Variants in TAS2R13 observed in about 807,000 individuals in gnomAD.
TAS2R13 encodes the protein taste receptor type 2 member 13.
For synonymous variants in TAS2R13, 129 were observed against 125.5 expected (o/e 1.03, Z -0.19); for missense variants, 384 against 347.5 (o/e 1.11, Z -0.84).
At position 10,908,998 on chromosome 12, in the gene TAS2R13, T is replaced by C. The variant is rs1453200276; in HGVS notation, c.301A>G (p.Thr101Ala). ...AGCAAATAAAAGATGCTGAAGATTG[T>C]AGCAAGCCAGAGATTGAAGTGATTA... Reference protein sequence around the residue: ...VSNHFNLWLATIFSIFYLLKI... With the variant: ...VSNHFNLWLAAIFSIFYLLKI... Residue 101 changes from threonine to alanine, a missense_variant, in exon 1 of 1, where the codon ACA becomes GCA. Coordinates refer to ENST00000390677, the MANE Select transcript of TAS2R13 (RefSeq NM_023920.2). 6 of 1,613,796 alleles carry C rather than the reference T, an allele frequency of 3.7e-6. No homozygotes were observed. Among genetic ancestry groups the C allele is most frequent in the East Asian group, 4.5e-5 (2 of 44,866 alleles).
rs780590154 is a variant in TAS2R13 at position 10,908,427 on chromosome 12, G to A, written c.872C>T (p.Ala291Val). The change falls in exon 1 of 1, where the codon GCC becomes GTC. Residue 291 changes from alanine (A) to valine (V), a missense_variant. Coordinates refer to ENST00000390677, the MANE Select transcript of TAS2R13 (RefSeq NM_023920.2). ...LILGNAKLRQ[A>V]FLLVAAKVWA... ...TACCTTAGCTGCCACCAAAAGAAAG[G>A]CCTGTCTTAACTTAGCGTTTCCTAG... 2 of 1,613,400 alleles carry A rather than the reference G, an allele frequency of 1.2e-6. No homozygotes were observed. The highest frequency in any genetic ancestry group is 8.5e-7 in the Non-Finnish European group (1 of 1,179,830).
At position 10,908,490 on chromosome 12, in the gene TAS2R13, C is replaced by A. The variant is rs374041435; in HGVS notation, c.809G>T (p.Gly270Val). ...TVIYMLCETI[G>V]VFSPSSHSFL... is the part of the protein sequence containing the mutation. ...GGAGTGGCTTGAAGGAGAGAAGACT[C>A]CAATCGTCTCACAAAGCATGTAGAT... Residue 270 changes from glycine (G) to valine (V), a missense_variant, in exon 1 of 1, where the codon GGA (glycine) becomes GTA (valine). Coordinates refer to ENST00000390677, the MANE Select transcript of TAS2R13 (RefSeq NM_023920.2). 3.1e-6 allele frequency: 5 copies of A among 1,613,722 alleles called. No individual in the cohort carries two copies. The highest frequency in any genetic ancestry group is 4.2e-6 in the Non-Finnish European group (5 of 1,179,916).
Position 10,908,567 on chromosome 12 carries a change from G to T in TAS2R13, c.732C>A (p.Phe244Leu). ...TCCATGATATGAGAACACATAGAAAGAAACTAGCATAGAATAAAAGGAATG... is the reference window on the plus strand; with the variant it reads ...TCCATGATATGAGAACACATAGAAATAAACTAGCATAGAATAAAAGGAATG... ...VISFLLFYASFFLCVLISWIS... is the reference protein window; with the variant it reads ...VISFLLFYASLFLCVLISWIS... The change falls in exon 1 of 1, where the codon TTC becomes TTA. Residue 244 changes from phenylalanine to leucine, a missense_variant. Coordinates refer to ENST00000390677, the MANE Select transcript of TAS2R13 (RefSeq NM_023920.2). 2 of 1,613,936 alleles carry T rather than the reference G, an allele frequency of 1.2e-6. No homozygotes were observed. The highest frequency in any genetic ancestry group is 1.1e-5 in the South Asian group (1 of 91,070).
rs757456465 is a variant in TAS2R13, at chr12:10,909,228, T to A, written c.71A>T (p.Asn24Ile). 29 of 1,613,642 alleles carry A rather than the reference T, an allele frequency of 1.8e-5. No homozygotes were observed. Among genetic ancestry groups the A allele is most frequent in the Non-Finnish European group, 2.5e-5 (29 of 1,179,830 alleles). ...GCAGTTGATCAGTACTATAAATCCA[T>A]TGCTCAAATTCCCAATTATGAATTC... is the stretch of plus-strand genomic sequence containing the variant. ...IAEFIIGNLS[N>I]GFIVLINCID... Residue 24 changes from asparagine to isoleucine, a missense_variant, in exon 1 of 1, where the codon AAT (asparagine) becomes ATT (isoleucine). Transcript: ENST00000390677.
rs780590154 is a variant in TAS2R13 at position 10,908,427 on chromosome 12, G to T, written c.872C>A (p.Ala291Asp). 1.2e-6 allele frequency: 2 copies of T among 1,613,400 alleles called. No individual in the cohort carries two copies. The highest frequency in any genetic ancestry group is 1.7e-6 in the Non-Finnish European group (2 of 1,179,830). ...TACCTTAGCTGCCACCAAAAGAAAG[G>T]CCTGTCTTAACTTAGCGTTTCCTAG... is the stretch of plus-strand genomic sequence containing the variant. ...LILGNAKLRQ[A>D]FLLVAAKVWA... The change falls in exon 1 of 1, where the codon GCC becomes GAC. Residue 291 changes from alanine (A) to aspartate (D), a missense_variant. Transcript: ENST00000390677.
Position 10,908,769 on chromosome 12 carries a change from A to G in TAS2R13, c.530T>C (p.Val177Ala), listed in dbSNP as rs775398971. The G allele has an allele frequency of 9.9e-6, 16 of 1,613,860 alleles. No individual in the cohort carries two copies. The highest frequency in any genetic ancestry group is 1.3e-5 in the African/African-American group (1 of 74,922). Residue 177 changes from valine (V) to alanine (A), a missense_variant, in exon 1 of 1, where the codon GTG (valine) becomes GCG (alanine). Physicochemically the swap from Val to Ala is moderately conservative, Grantham distance 64. Transcript: ENST00000390677. The stretch of plus-strand genomic sequence containing the variant: ...CATAGTCATAGTGAATTTGACCGAC[A>G]CTGAAAATGTTTCAAAGTCACTCAT... ...FSMSDFETFS[V>A]SVKFTMTMFS...
chr12:10,908,908 G>C lies in TAS2R13; in HGVS notation c.391C>G (p.Leu131Val), dbSNP rs142394171. 46 of 1,612,882 alleles carry C rather than the reference G, an allele frequency of 2.9e-5. No homozygotes were observed. In the East Asian group the frequency reaches 9.6e-4, roughly 34 times the overall value. ...ACCAAGGTTCCTAGCAGTATCATCA[G>C]AATCACTTTGTTTACTCTCCACTTC... ...YLKWRVNKVILMILLGTLVFL... is the reference protein window; with the variant it reads ...YLKWRVNKVIVMILLGTLVFL... The change falls in exon 1 of 1, where the codon CTG (leucine) becomes GTG (valine). Residue 131 changes from leucine to valine, a missense_variant. Coordinates refer to ENST00000390677, the MANE Select transcript of TAS2R13 (RefSeq NM_023920.2).
Position 10,909,216 on chromosome 12 carries a change from A to C in TAS2R13, c.83T>G (p.Val28Gly). ...IIGNLSNGFI[V>G]LINCIDWVSK... Reference sequence around the variant, plus strand: ...GACCCAGTCAATGCAGTTGATCAGTACTATAAATCCATTGCTCAAATTCCC... The same window carrying C: ...GACCCAGTCAATGCAGTTGATCAGTCCTATAAATCCATTGCTCAAATTCCC... The change falls in exon 1 of 1, where the codon GTA (valine) becomes GGA (glycine). Residue 28 changes from valine to glycine, a missense_variant. Physicochemically the swap from Val to Gly is moderately radical, Grantham distance 109. Transcript: ENST00000390677. The C allele has an allele frequency of 6.2e-7, 1 of 1,613,732 alleles. No homozygotes were observed. Among genetic ancestry groups the C allele is most frequent in the Non-Finnish European group, 8.5e-7 (1 of 1,179,746 alleles).
Position 10,908,356 on chromosome 12 carries a change from G to A in TAS2R13, c.*31C>T, listed in dbSNP as rs1442189230. On this transcript the variant is annotated 3_prime_UTR_variant, in exon 1 of 1. Coordinates refer to ENST00000390677, the MANE Select transcript of TAS2R13 (RefSeq NM_023920.2). ...CTGTCTGCAATATTCAATAATCTGT[G>A]GTCTGAATGGCTTATGAAATTGTGA... is the stretch of plus-strand genomic sequence containing the variant. The A allele has an allele frequency of 6.3e-7, 1 of 1,577,636 alleles. No individual in the cohort carries two copies. The highest frequency in any genetic ancestry group is 8.6e-7 in the Non-Finnish European group (1 of 1,161,348).
chr12:10,909,028 C>T lies in TAS2R13; in HGVS notation c.271G>A (p.Val91Ile). The T allele has an allele frequency of 6.2e-7, 1 of 1,613,724 alleles. No individual in the cohort carries two copies. The highest frequency in any genetic ancestry group is 2.2e-5 in the East Asian group (1 of 44,864). The change falls in exon 1 of 1, where the codon GTT (valine) becomes ATT (isoleucine). Residue 91 changes from valine to isoleucine, a missense_variant. By Grantham distance (29) the Val-to-Ile change is conservative. Transcript: ENST00000390677. ...AGCCAGAGATTGAAGTGATTAGAAA[C>T]TATCCAGCTAAAAATCATAATTCTT... ...GLRIMIFSWI[V>I]SNHFNLWLAT...
At position 10,909,037 on chromosome 12, in the gene TAS2R13, T is replaced by C; in HGVS notation, c.262A>G (p.Ser88Gly). 6 of 1,613,652 alleles carry C rather than the reference T, an allele frequency of 3.7e-6. No homozygotes were observed. The highest frequency in any genetic ancestry group is 5.1e-6 in the Non-Finnish European group (6 of 1,179,950). Residue 88 changes from serine to glycine, a missense_variant, in exon 1 of 1, where the codon AGC (serine) becomes GGC (glycine). Physicochemically the swap from Ser to Gly is moderately conservative, Grantham distance 56. Transcript: ENST00000390677. ...SGTGLRIMIF[S>G]WIVSNHFNLW... ...TTGAAGTGATTAGAAACTATCCAGC[T>C]AAAAATCATAATTCTTAATCCTGTT...
chr12:10,908,929 A>T lies in TAS2R13; in HGVS notation c.370T>A (p.Trp124Arg), dbSNP rs2135824022. Reference sequence around the variant, plus strand: ...ATCAGAATCACTTTGTTTACTCTCCACTTCAAATAGAGAAAAGCAGGGCTA... The same window carrying T: ...ATCAGAATCACTTTGTTTACTCTCCTCTTCAAATAGAGAAAAGCAGGGCTA... ...FSSPAFLYLK[W>R]RVNKVILMIL... is the part of the protein sequence containing the mutation. Residue 124 changes from tryptophan to arginine, a missense_variant, in exon 1 of 1, where the codon TGG (tryptophan) becomes AGG (arginine). By Grantham distance (101) the Trp-to-Arg change is moderately radical. Transcript: ENST00000390677. The T allele has an allele frequency of 6.2e-7, 1 of 1,613,272 alleles. No individual in the cohort carries two copies. The highest frequency in any genetic ancestry group is 1.1e-5 in the South Asian group (1 of 91,038).
At position 10,908,382 on chromosome 12, in the gene TAS2R13, G is replaced by C; in HGVS notation, c.*5C>G. On this transcript the variant is annotated 3_prime_UTR_variant, in exon 1 of 1. Transcript: ENST00000390677. ...GTCTGAATGGCTTATGAAATTGTGAGTTTCTCATCGTTTAGCCCATACCTT... is the reference window on the plus strand; with the variant it reads ...GTCTGAATGGCTTATGAAATTGTGACTTTCTCATCGTTTAGCCCATACCTT... The C allele has an allele frequency of 6.2e-7, 1 of 1,602,574 alleles. No homozygotes were observed. The highest frequency in any genetic ancestry group is 8.5e-7 in the Non-Finnish European group (1 of 1,176,032).
At chr12:10,908,917 T>A in the TAS2R13 span, 1 of 1,613,098 alleles carries the variant, frequency 6.2e-7, no homozygotes, top group Non-Finnish European at 8.5e-7. Flanking sequence ...AGAATCACTT[T>A]GTTTACTCTC....
rs912021465 is a variant in TAS2R13 at position 10,909,387 on chromosome 12, G to A, written c.-89C>T. On this transcript the variant is annotated 5_prime_UTR_variant, in exon 1 of 1. Transcript: ENST00000390677. ...TTCACATCCTTGAGTGTCCAGTGGA[G>A]TTCTTCTTCCTTCTCCTTTTTCTGC... The A allele has an allele frequency of 3.4e-6, 3 of 877,604 alleles. No individual in the cohort carries two copies. In the East Asian group the frequency reaches 7.8e-5, roughly 23 times the overall value. 54.4% of individuals were successfully genotyped at this position (877,604 alleles called of 1,614,324 possible).
rs2135822200 is a variant in TAS2R13, at chr12:10,908,196, A to G, written c.*191T>C. The G allele has an allele frequency of 2.1e-6, 1 of 483,466 alleles. No homozygotes were observed. Among genetic ancestry groups the G allele is most frequent in the East Asian group, 3.2e-5 (1 of 31,290 alleles). 29.9% of individuals were successfully genotyped at this position (483,466 alleles called of 1,614,324 possible). A position where few individuals can be genotyped will look rare whatever the true frequency, so the allele number is the denominator to read the frequency against. On this transcript the variant is annotated 3_prime_UTR_variant, in exon 1 of 1. Coordinates refer to ENST00000390677, the MANE Select transcript of TAS2R13 (RefSeq NM_023920.2). ...CAAATTCCTAATAATGTAGAAATAC[A>G]TGTCATAAATACATAATATTCTTAG...
chr12:10,908,321 A>G lies in TAS2R13; in HGVS notation c.*66T>C. On this transcript the variant is annotated 3_prime_UTR_variant, in exon 1 of 1. Coordinates refer to ENST00000390677, the MANE Select transcript of TAS2R13 (RefSeq NM_023920.2). ...AAAATATCTTTTAAACTCCTTGTAG[A>G]CTCCTGTTTCTGTCTGCAATATTCA... 7.0e-7 allele frequency: 1 copy of G among 1,435,928 alleles called. No homozygotes were observed. The highest frequency in any genetic ancestry group is 9.5e-7 in the Non-Finnish European group (1 of 1,057,866). 88.9% of individuals were successfully genotyped at this position (1,435,928 alleles called of 1,614,324 possible). A position where few individuals can be genotyped will look rare whatever the true frequency, so the allele number is the denominator to read the frequency against.
In TAS2R13 at chr12:10,909,061, T is replaced by A. The variant is rs1403926872; in HGVS notation, c.238A>T (p.Thr80Ser). The A allele has an allele frequency of 1.1e-5, 17 of 1,613,518 alleles. No homozygotes were observed. Among genetic ancestry groups the A allele is most frequent in the Non-Finnish European group, 1.4e-5 (16 of 1,179,934 alleles). ...LHYLAIFVSG[T>S]GLRIMIFSWI... is the part of the protein sequence containing the mutation. Reference sequence around the variant, plus strand: ...CTAAAAATCATAATTCTTAATCCTGTTCCAGACACAAATATGGCTAGATAA... The same window carrying A: ...CTAAAAATCATAATTCTTAATCCTGATCCAGACACAAATATGGCTAGATAA... Residue 80 changes from threonine to serine, a missense_variant, in exon 1 of 1, where the codon ACA becomes TCA. Coordinates refer to ENST00000390677, the MANE Select transcript of TAS2R13 (RefSeq NM_023920.2).
chr12:10,909,158 G>A lies in TAS2R13; in HGVS notation c.141C>T (p.Leu47=), dbSNP rs1949856489. Residue 47 remains leucine (L), a synonymous_variant, in exon 1 of 1, where the codon CTC becomes CTT. Transcript: ENST00000390677. ...SKRELSSVDK[L]LIILAISRIG... is the part of the protein sequence containing the mutation. ...TTCTGGAGATTGCCAAGATAATGAG[G>A]AGTTTATCGACTGAGGACAGCTCTC... The A allele has an allele frequency of 6.2e-7, 1 of 1,613,964 alleles. No homozygotes were observed. The highest frequency in any genetic ancestry group is 8.5e-7 in the Non-Finnish European group (1 of 1,179,996).
Sources: allele counts gnomAD v4.1 joint callset, GRCh38; gene constraint gnomAD v4.1.1; transcripts MANE v1.5; gene names NCBI Gene and HGNC (gene_info 2026-07-23, HGNC 2026-07-21).